The following DSCAM variants were observed in gnomAD, a reference collection of about 807,000 sequenced individuals.
DSCAM encodes DS cell adhesion molecule.
Under a neutral mutation model 217.7 loss-of-function variants are expected in DSCAM, and 47 were observed. The observed-to-expected ratio is 0.22, with a 90% CI of 0.17 to 0.28. DSCAM has a LOEUF of 0.28. DSCAM is among the 10% of genes least tolerant of loss of function. DSCAM has a pLI of 1.00. For missense variants in DSCAM, 2,080 were observed against 2,618.3 expected, an observed-to-expected ratio of 0.79 and a Z score of 4.49; for synonymous variants, 1,056 against 1,015.3, an observed-to-expected ratio of 1.04 and a Z score of -0.76.
chr21:40,479,931 C>T (rs2075968151), intron 3 of DSCAM, among the ~76,000 whole-genome samples: 1 of 152,214 alleles, frequency 6.6e-6, no homozygotes, highest in Admixed American at 6.5e-5. Flanking sequence ...CACAAACTCA[C>T]ACACACAGCT....
intron 9 of DSCAM, among the ~76,000 whole-genome samples, chr21:40,309,450 C>T (rs2074114802): frequency 1.3e-5 from 2 of 152,148 alleles, no homozygotes. Context: ...TGGATTTTCT[C>T]CTCCTTTACA....
At chr21:40,510,393 T>A (rs888262634) in intron 3 of DSCAM, among the ~76,000 whole-genome samples, 3 of 152,226 alleles carry the variant, frequency 2.0e-5, no homozygotes, top group Admixed American at 1.3e-4. Context: ...TTAATATACA[T>A]CAATTTTTAA....
intron 16 of DSCAM, among the ~76,000 whole-genome samples, chr21:40,152,973 G>C (rs2090440193): frequency 6.6e-6 from 1 of 152,258 alleles, no homozygotes; most frequent in Non-Finnish European, 1.5e-5. Flanking sequence ...CACGTTTGAA[G>C]AATGCTGCCT....
chr21:40,822,745 T>C (rs992936977), intron 1 of DSCAM, among the ~76,000 whole-genome samples: 1 of 152,242 alleles, frequency 6.6e-6, no homozygotes, highest in Admixed American at 6.5e-5. Context: ...GATGGGTATA[T>C]ACAATATGTA....
intron 3 of DSCAM, among the ~76,000 whole-genome samples, chr21:40,546,022 G>A (rs2837695): frequency 0.23 from 34,370 of 152,116 alleles, 4,466 homozygotes; most frequent in African/African-American, 0.35. Flanking sequence ...TAACCTGGTC[G>A]TAATACTTAA....
At chr21:40,143,560 G>A (rs1262699599) in intron 17 of DSCAM, among the ~76,000 whole-genome samples, 1 of 152,198 alleles carries the variant, frequency 6.6e-6, no homozygotes, top group African/African-American at 2.4e-5. Flanking sequence ...TGGAGGCCGA[G>A]GCGGGCAGAT....
At chr21:40,463,839 C>T (rs7282360) in intron 3 of DSCAM, among the ~76,000 whole-genome samples, 98,734 of 152,080 alleles carry the variant, frequency 0.65, 32,577 homozygotes, top group African/African-American at 0.77. Context: ...ACACCCATCC[C>T]GCAACTGTTG....
intron 11 of DSCAM, among the ~76,000 whole-genome samples, chr21:40,243,667 T>A (rs1166989382): frequency 6.6e-6 from 1 of 152,170 alleles, no homozygotes; most frequent in East Asian, 1.9e-4. Flanking sequence ...AAATCCTAGA[T>A]TTTTTGCTCC....
chr21:40,287,667 C>T (rs8134469), intron 10 of DSCAM, among the ~76,000 whole-genome samples: 2,058 of 152,258 alleles, frequency 0.014, 51 homozygotes, highest in African/African-American at 0.046. Context: ...GTTCCTGTTG[C>T]CCCCTGTGAT....
chr21:40,767,323 T>C (rs2091402487), intron 1 of DSCAM, among the ~76,000 whole-genome samples: 2 of 152,076 alleles, frequency 1.3e-5, no homozygotes, highest in African/African-American at 4.8e-5. Context: ...GACGTGAGAA[T>C]TGGGCAAAAC....
intron 3 of DSCAM, among the ~76,000 whole-genome samples, chr21:40,467,930 C>CAAAAAAAAA (rs56379350): frequency 2.4e-5 from 2 of 84,386 alleles, no homozygotes; most frequent in African/African-American, 9.3e-5. Context: ...AAAGATTAAC[C>CAAAAAAAAA]AAAAAAAAAA....
At chr21:40,167,599 A>G (rs2090611637) in intron 15 of DSCAM, among the ~76,000 whole-genome samples, 1 of 152,144 alleles carries the variant, frequency 6.6e-6, no homozygotes, top group African/African-American at 2.4e-5. Flanking sequence ...GCAAAACAAA[A>G]TTTCCCTTAT....
Position 40,478,941 on chromosome 21 carries a change from T to C in DSCAM, c.509-109696A>G, listed in dbSNP as rs116334969. On this transcript the variant is annotated intron_variant, in intron 3 of 32. Coordinates refer to ENST00000400454, the MANE Select transcript of DSCAM (RefSeq NM_001389.5). Reference sequence around the variant, plus strand: ...AAACAATATACTGTATTCTGAGTTATGTGAATTTGGTCTCTCTCTCTCTAA... The same window carrying C: ...AAACAATATACTGTATTCTGAGTTACGTGAATTTGGTCTCTCTCTCTCTAA... Among the ~76,000 whole-genome samples, 757 of 152,338 alleles carry C rather than the reference T, an allele frequency of 5.0e-3. 10 individuals are homozygous for C. Among genetic ancestry groups the C allele is most frequent in the African/African-American group, 0.017 (713 of 41,574 alleles).
chr21:40,334,999 T>C (rs966717172), intron 8 of DSCAM, among the ~76,000 whole-genome samples: 1 of 152,226 alleles, frequency 6.6e-6, no homozygotes, highest in African/African-American at 2.4e-5. Flanking sequence ...CTTGTTCACT[T>C]GGCTCCCACC....
At chr21:40,458,171 CT>C (rs2075778438) in intron 3 of DSCAM, among the ~76,000 whole-genome samples, 2 of 152,174 alleles carry the variant, frequency 1.3e-5, no homozygotes, top group African/African-American at 4.8e-5. Context: ...TCTATTTGTA[CT>C]TTACCTAATT....
At chr21:40,484,670 G>C (rs907702271) in intron 3 of DSCAM, among the ~76,000 whole-genome samples, 1 of 152,074 alleles carries the variant, frequency 6.6e-6, no homozygotes, top group Non-Finnish European at 1.5e-5. Flanking sequence ...ATCTCCTGAA[G>C]CTGCTGTTCT....
At position 40,500,658 on chromosome 21, in the gene DSCAM, C is replaced by T. The variant is rs377406760; in HGVS notation, c.509-131413G>A. 3.9e-5 allele frequency among the ~76,000 whole-genome samples: 6 copies of T among 152,310 alleles called. No individual in the cohort carries two copies. In the East Asian group the frequency reaches 1.2e-3, roughly 29 times the overall value. On this transcript the variant is annotated intron_variant, in intron 3 of 32. Coordinates refer to ENST00000400454, the MANE Select transcript of DSCAM (RefSeq NM_001389.5). Reference sequence around the variant, plus strand: ...ATTAATAAAGGGGCAATTTACAAAGCCAGTGCAGTACCCAGGGGCTAAGAG... The same window carrying T: ...ATTAATAAAGGGGCAATTTACAAAGTCAGTGCAGTACCCAGGGGCTAAGAG...
intron 14 of DSCAM, among the ~76,000 whole-genome samples, chr21:40,185,433 G>A (rs1019758125): frequency 2.0e-5 from 3 of 152,210 alleles, no homozygotes; most frequent in Non-Finnish European, 4.4e-5. Flanking sequence ...CCAAATCACT[G>A]AGCCCAGGCC....
rs539097372 is a variant in DSCAM at position 40,439,562 on chromosome 21, C to A, written c.509-70317G>T. 2.0e-5 allele frequency among the ~76,000 whole-genome samples: 3 copies of A among 152,316 alleles called. No individual in the cohort carries two copies. In the South Asian group the frequency reaches 6.2e-4, roughly 32 times the overall value. On this transcript the variant is annotated intron_variant, in intron 3 of 32. Transcript: ENST00000400454. ...GTGGCTGAGATCTGAGTCCCATGCA[C>A]ACATTGGAGCTGCCTAGCCATGCTA...
Sources: gnomAD v4.1 joint callset for allele counts (sites outside exome capture counted in the v4.1 genomes callset) on GRCh38, gnomAD v4.1.1 for gene constraint, MANE v1.5 for transcripts, NCBI Gene and HGNC (gene_info 2026-07-23, HGNC 2026-07-21) for gene names.